The following SNTG1 variants were observed in gnomAD, a reference collection of about 807,000 sequenced individuals.
SNTG1 encodes syntrophin gamma 1, also known as gamma-1-syntrophin.
A neutral mutation model predicts 74.7 loss-of-function variants in SNTG1; 39 were observed. The observed-to-expected ratio is 0.52, with a 90% confidence interval of 0.40 to 0.68. The LOEUF is 0.68. Among genes scored for constraint, SNTG1 ranks in the 30% least tolerant of loss-of-function variants. SNTG1 has a pLI of 0.00. For missense variants in SNTG1, 685 were observed against 609.5 expected, an observed-to-expected ratio of 1.12 and a Z score of -1.30; for synonymous variants, 254 against 217.1, an observed-to-expected ratio of 1.17 and a Z score of -1.49.
intron 1 of SNTG1, among the ~76,000 whole-genome samples, chr8:50,042,522 T>C (rs1056633343): frequency 3.9e-5 from 6 of 152,082 alleles, no homozygotes; most frequent in East Asian, 1.9e-4. Flanking sequence ...GATAGCATCA[T>C]TGCTTTCCAG....
chr8:50,778,165 G>A lies in SNTG1; in HGVS notation c.1396-14506G>A, dbSNP rs867583505. Among the ~76,000 whole-genome samples, 19 of 152,226 alleles carry A rather than the reference G, an allele frequency of 1.2e-4. 1 individual carries two copies. The highest frequency in any genetic ancestry group is 3.4e-3 in the Middle Eastern group (1 of 294). On this transcript the variant is annotated intron_variant, in intron 18 of 18. Coordinates refer to ENST00000642720, the MANE Select transcript of SNTG1 (RefSeq NM_018967.5). ...GTGAATAGTGCCGCAATAAACATACGTGTGCATGTATTTTTATAGCAGCAT... is the reference window on the plus strand; with the variant it reads ...GTGAATAGTGCCGCAATAAACATACATGTGCATGTATTTTTATAGCAGCAT...
intron 13 of SNTG1, among the ~76,000 whole-genome samples, chr8:50,630,034 T>G (rs1176494082): frequency 2.0e-5 from 3 of 152,202 alleles, no homozygotes; most frequent in East Asian, 3.8e-4. Flanking sequence ...ATCTGGATAG[T>G]TTTTCAATTA....
At chr8:50,652,183 T>C (rs908675275) in intron 13 of SNTG1, among the ~76,000 whole-genome samples, 3 of 152,194 alleles carry the variant, frequency 2.0e-5, no homozygotes, top group Non-Finnish European at 2.9e-5. Context: ...CCACATGTCA[T>C]TTGAATGGCA....
chr8:50,519,704 A>G (rs2094163527), intron 9 of SNTG1, among the ~76,000 whole-genome samples: 1 of 152,210 alleles, frequency 6.6e-6, no homozygotes, highest in Non-Finnish European at 1.5e-5. Flanking sequence ...CTCATTCACA[A>G]TTGCTACAAA....
At position 49,973,517 on chromosome 8, in the gene SNTG1, A is replaced by T. The variant is rs1048585222; in HGVS notation, c.-103+61286A>T. On this transcript the variant is annotated intron_variant, in intron 1 of 18. Coordinates refer to ENST00000642720, the MANE Select transcript of SNTG1 (RefSeq NM_018967.5). ...ACCCTAAAAGTTAAAGCATAATAAT[A>T]AAAAAAAAAAAAGAAAAGAGTCTGG... Among the ~76,000 whole-genome samples the T allele has an allele frequency of 1.0e-4, 14 of 137,312 alleles. No homozygotes were observed. The East Asian group carries it at 2.7e-3, about 27-fold the overall frequency. The allele number at this position is 137,312 out of a possible 152,430, so 90.1% of individuals were successfully genotyped here.
chr8:50,282,768 CA>C (rs1000891997), intron 2 of SNTG1, among the ~76,000 whole-genome samples: 7 of 148,752 alleles, frequency 4.7e-5, no homozygotes, highest in South Asian at 2.1e-4. Flanking sequence ...CTGTCCATCT[CA>C]AAAAAAAAGG....
At chr8:50,756,869 C>G (rs1392772384) in intron 18 of SNTG1, among the ~76,000 whole-genome samples, 15 of 151,678 alleles carry the variant, frequency 9.9e-5, no homozygotes, top group Admixed American at 9.9e-4. Flanking sequence ...AACTGACATC[C>G]AGACAATATT....
At chr8:50,040,386 C>T (rs186201721) in intron 1 of SNTG1, among the ~76,000 whole-genome samples, 1 of 152,170 alleles carries the variant, frequency 6.6e-6, no homozygotes, top group East Asian at 1.9e-4. Flanking sequence ...TTTTCTATCT[C>T]ATTTTGAGGC....
At chr8:50,197,492 T>C (rs534646537) in intron 2 of SNTG1, among the ~76,000 whole-genome samples, 21 of 152,268 alleles carry the variant, frequency 1.4e-4, no homozygotes, top group Admixed American at 2.0e-4. Context: ...TCTCCAGAGA[T>C]TGACTTTGAG....
chr8:50,543,983 G>A (rs2094367510), intron 11 of SNTG1, among the ~76,000 whole-genome samples: 1 of 152,028 alleles, frequency 6.6e-6, no homozygotes, highest in South Asian at 2.1e-4. Context: ...CTTCGGTGAA[G>A]TGTCTGTTTA....
At chr8:50,391,371 G>T (rs1374671701) in intron 2 of SNTG1, among the ~76,000 whole-genome samples, 1 of 152,082 alleles carries the variant, frequency 6.6e-6, no homozygotes, top group African/African-American at 2.4e-5. Flanking sequence ...GCTGGATTAC[G>T]TTTATTGATT....
intron 1 of SNTG1, among the ~76,000 whole-genome samples, chr8:49,928,513 G>A (rs1254653859): frequency 6.6e-6 from 1 of 151,956 alleles, no homozygotes; most frequent in Non-Finnish European, 1.5e-5. Flanking sequence ...TTATAAGTGT[G>A]AGCCACCGCG....
intron 2 of SNTG1, among the ~76,000 whole-genome samples, chr8:50,184,338 G>A (rs2083309156): frequency 6.6e-6 from 1 of 151,916 alleles, no homozygotes; most frequent in Non-Finnish European, 1.5e-5. Context: ...GCTAGTTTTT[G>A]TATTTTTAGT....
chr8:50,434,473 C>T lies in SNTG1; in HGVS notation c.163-4070C>T, dbSNP rs542230213. On this transcript the variant is annotated intron_variant, in intron 4 of 18. Coordinates refer to ENST00000642720, the MANE Select transcript of SNTG1 (RefSeq NM_018967.5). ...CCTTGAGGAATCGCCACACTGTCTTCCACAATGTTTGAACAGTTTACAGTC... is the reference window on the plus strand; with the variant it reads ...CCTTGAGGAATCGCCACACTGTCTTTCACAATGTTTGAACAGTTTACAGTC... 1.1e-4 allele frequency among the ~76,000 whole-genome samples: 5 copies of T among 44,924 alleles called. No homozygotes were observed. In the South Asian group the frequency reaches 3.4e-3, roughly 30 times the overall value. 29.5% of individuals were successfully genotyped at this position (44,924 alleles called of 152,430 possible).
At chr8:50,472,332 T>C (rs1309425514) in intron 8 of SNTG1, among the ~76,000 whole-genome samples, 4 of 152,306 alleles carry the variant, frequency 2.6e-5, no homozygotes, top group African/African-American at 9.6e-5. Flanking sequence ...GGTAGTGATA[T>C]AAAGACAGGC....
At chr8:50,311,429 T>C (rs1377712060) in intron 2 of SNTG1, among the ~76,000 whole-genome samples, 1 of 152,236 alleles carries the variant, frequency 6.6e-6, no homozygotes, top group East Asian at 1.9e-4. Flanking sequence ...TGATGAGGTG[T>C]GTGTTTATGT....
At chr8:50,688,554 A>G (rs578005320) in intron 15 of SNTG1, among the ~76,000 whole-genome samples, 184 of 152,300 alleles carry the variant, frequency 1.2e-3, no homozygotes, top group Non-Finnish European at 2.2e-3. Flanking sequence ...TTTGTCAAAG[A>G]TCAGATAATT....
rs186130901 is a variant in SNTG1, at chr8:50,240,471, G to T, written c.-28+67836G>T. On this transcript the variant is annotated intron_variant, in intron 2 of 18. Coordinates refer to ENST00000642720, the MANE Select transcript of SNTG1 (RefSeq NM_018967.5). ...ACATTTGAAATAATTTAAATTTTAC[G>T]AACCATCATGAATCCTGAACTCTAC... Among the ~76,000 whole-genome samples, 3 of 152,134 alleles carry T rather than the reference G, an allele frequency of 2.0e-5. 1 individual carries two copies. Among genetic ancestry groups the T allele is most frequent in the African/African-American group, 7.2e-5 (3 of 41,526 alleles).
intron 2 of SNTG1, among the ~76,000 whole-genome samples, chr8:50,195,501 T>G (rs2083731844): frequency 6.6e-6 from 1 of 152,124 alleles, no homozygotes; most frequent in Non-Finnish European, 1.5e-5. Context: ...CAGCTAGAGA[T>G]TTCCTTCTCC....
Sources: allele counts gnomAD v4.1 joint callset (sites outside exome capture counted in the v4.1 genomes callset), GRCh38; gene constraint gnomAD v4.1.1; transcripts MANE v1.5; gene names NCBI Gene and HGNC (gene_info 2026-07-23, HGNC 2026-07-21).